The following NTN4 variants were observed in gnomAD, a reference collection of about 807,000 sequenced individuals.
NTN4 encodes netrin 4.
NTN4 carries 32 observed loss-of-function variants against 73.6 expected under a neutral mutation model. That is an observed-to-expected ratio of 0.44 (90% CI 0.33 to 0.58). The LOEUF (loss-of-function observed/expected upper bound fraction) is 0.58, where lower values mean the gene tolerates loss of function less well. Among genes scored for constraint, NTN4 ranks in the 20% least tolerant of loss-of-function variants. The pLI, the probability that NTN4 is intolerant of heterozygous loss-of-function variation, is 0.04. For missense variants in NTN4, 654 were observed against 798.3 expected (o/e 0.82, Z 2.18); for synonymous variants, 258 against 287.5 (o/e 0.90, Z 1.04).
At chr12:95,778,274 A>G (rs986788558) in intron 2 of NTN4, among the ~76,000 whole-genome samples, 4 of 152,160 alleles carry the variant, frequency 2.6e-5, no homozygotes, top group Non-Finnish European at 5.9e-5. Context: ...GAGCAAACAC[A>G]TTCAAAAGCT....
intron 2 of NTN4, among the ~76,000 whole-genome samples, chr12:95,753,331 C>A (rs112606925): frequency 0.033 from 4,939 of 147,824 alleles, 262 homozygotes; most frequent in East Asian, 0.28. Flanking sequence ...CAGGCCCCCT[C>A]CCTTCCCTAC....
In NTN4 at chr12:95,709,649, T is replaced by G. The variant is rs183235684; in HGVS notation, c.1180+792A>C. On this transcript the variant is annotated intron_variant, in intron 5 of 9. Coordinates refer to ENST00000343702, the MANE Select transcript of NTN4 (RefSeq NM_021229.4). ...GCTGGATTCAAGCCATCCTCCCACCTCAGCCTCCCAAATAGCTGAAACTAC... is the reference window on the plus strand; with the variant it reads ...GCTGGATTCAAGCCATCCTCCCACCGCAGCCTCCCAAATAGCTGAAACTAC... 3.2e-3 allele frequency among the ~76,000 whole-genome samples: 477 copies of G among 150,436 alleles called. 3 individuals carry two copies. The highest frequency in any genetic ancestry group is 0.011 in the African/African-American group (454 of 40,970).
chr12:95,757,342 C>A (rs2078953443), intron 2 of NTN4, among the ~76,000 whole-genome samples: 1 of 152,200 alleles, frequency 6.6e-6, no homozygotes, highest in Non-Finnish European at 1.5e-5. Flanking sequence ...CATCACCTAG[C>A]TAGTAAGTGG....
At chr12:95,664,217 C>A (rs1042967662) in intron 9 of NTN4, among the ~76,000 whole-genome samples, 1 of 151,934 alleles carries the variant, frequency 6.6e-6, no homozygotes, top group Non-Finnish European at 1.5e-5. Flanking sequence ...CCACACCCAG[C>A]TAATTATTTA....
chr12:95,774,208 T>C (rs1412492299), intron 2 of NTN4, among the ~76,000 whole-genome samples: 1 of 151,574 alleles, frequency 6.6e-6, no homozygotes, highest in African/African-American at 2.4e-5. Flanking sequence ...ATTGGCATTA[T>C]AATAAAGTCT....
At chr12:95,751,475 G>C (rs1429682162) in intron 2 of NTN4, among the ~76,000 whole-genome samples, 1 of 152,130 alleles carries the variant, frequency 6.6e-6, no homozygotes, top group African/African-American at 2.4e-5. Flanking sequence ...TGGCCACTGG[G>C]CCAAGGAATG....
chr12:95,788,992 T>C (rs2079188586), intron 1 of NTN4, among the ~76,000 whole-genome samples: 1 of 152,242 alleles, frequency 6.6e-6, no homozygotes, highest in Non-Finnish European at 1.5e-5. Flanking sequence ...AAAGGTTTTT[T>C]TTAAAGCTCA....
chr12:95,785,874 A>T (rs2079163714), intron 2 of NTN4, among the ~76,000 whole-genome samples: 1 of 152,218 alleles, frequency 6.6e-6, no homozygotes, highest in South Asian at 2.1e-4. Context: ...CAACCTCGGT[A>T]CATTGACATT....
chr12:95,772,744 G>C (rs1356175033), intron 2 of NTN4, among the ~76,000 whole-genome samples: 1 of 152,140 alleles, frequency 6.6e-6, no homozygotes, highest in Non-Finnish European at 1.5e-5. Context: ...AGCAAATGCT[G>C]TTGGCTCTAT....
chr12:95,698,683 A>G (rs2078459781), intron 5 of NTN4, among the ~76,000 whole-genome samples: 1 of 152,120 alleles, frequency 6.6e-6, no homozygotes, highest in South Asian at 2.1e-4. Flanking sequence ...GACCCTGTCT[A>G]TACTAAAAAT....
chr12:95,769,628 C>T (rs1009153179), intron 2 of NTN4, among the ~76,000 whole-genome samples: 4 of 150,466 alleles, frequency 2.7e-5, no homozygotes, highest in Admixed American at 6.6e-5. Context: ...TACAGGTTGG[C>T]GTTTGCCTTA....
chr12:95,682,410 T>C (rs1025208833), intron 7 of NTN4, among the ~76,000 whole-genome samples: 5 of 140,354 alleles, frequency 3.6e-5, no homozygotes, highest in African/African-American at 1.3e-4. Flanking sequence ...AATAATGAGA[T>C]TTTGGGTGAC....
At chr12:95,697,067 C>T (rs951003630) in intron 5 of NTN4, among the ~76,000 whole-genome samples, 7 of 151,222 alleles carry the variant, frequency 4.6e-5, no homozygotes, top group East Asian at 3.9e-4. Flanking sequence ...CCCAACTACT[C>T]GAGAGGCTGA....
chr12:95,668,918 G>A (rs1380659797), intron 8 of NTN4, among the ~76,000 whole-genome samples: 2 of 152,246 alleles, frequency 1.3e-5, no homozygotes, highest in African/African-American at 2.4e-5. Context: ...GAGGTCAGGA[G>A]TTCGAGACCA....
At chr12:95,780,909 T>A (rs560933511) in intron 2 of NTN4, among the ~76,000 whole-genome samples, 1 of 152,138 alleles carries the variant, frequency 6.6e-6, no homozygotes, top group East Asian at 1.9e-4. Context: ...CAAATGTCCA[T>A]CAATGATAGA....
intron 7 of NTN4, among the ~76,000 whole-genome samples, chr12:95,680,911 C>T (rs770805588): frequency 2.0e-5 from 3 of 152,026 alleles, no homozygotes; most frequent in Non-Finnish European, 2.9e-5. Flanking sequence ...ATATAACGGC[C>T]GGGCGCGGTG....
chr12:95,734,816 G>T (rs190120955), intron 3 of NTN4, among the ~76,000 whole-genome samples: 1 of 152,246 alleles, frequency 6.6e-6, no homozygotes, highest in Admixed American at 6.5e-5. Context: ...GAGGCGGGTG[G>T]ATCACCTGAG....
intron 2 of NTN4, among the ~76,000 whole-genome samples, chr12:95,743,190 C>T (rs1465179820): frequency 2.0e-5 from 3 of 152,182 alleles, no homozygotes; most frequent in Admixed American, 2.0e-4. Flanking sequence ...AACATAACTG[C>T]ATTTGTTCTT....
At chr12:95,728,563 A>T (rs1452006557) in intron 3 of NTN4, among the ~76,000 whole-genome samples, 1 of 152,134 alleles carries the variant, frequency 6.6e-6, no homozygotes, top group Non-Finnish European at 1.5e-5. Flanking sequence ...AGGCTACAGG[A>T]TTTTTTGCCT....
Sources: gnomAD v4.1 joint callset for allele counts (sites outside exome capture counted in the v4.1 genomes callset) on GRCh38, gnomAD v4.1.1 for gene constraint, MANE v1.5 for transcripts, NCBI Gene and HGNC (gene_info 2026-07-23, HGNC 2026-07-21) for gene names.